ATRIP: variants seen among roughly 807,000 people sequenced by gnomAD.
The protein encoded by ATRIP is ATR-interacting protein.
ATRIP carries 44 observed loss-of-function variants against 78.1 expected under a neutral mutation model. The ratio of observed to expected loss-of-function variants is 0.56; its 90% CI spans 0.44 to 0.72. ATRIP has a LOEUF of 0.72. ATRIP is among the 30% of genes least tolerant of loss of function. ATRIP has a pLI of 0.00. For synonymous variants in ATRIP, 388 were observed against 408.9 expected (o/e 0.95, Z 0.62); for missense variants, 927 against 980.2 (o/e 0.95, Z 0.72).
rs935356579 is a variant in ATRIP at position 48,466,261 on chromosome 3, G to A, written c.*707G>A. On this transcript the variant is annotated 3_prime_UTR_variant, in exon 13 of 13. Transcript: ENST00000320211. ...CGCCACTGCTGCCAGCGAGAGCCGC[G>A]GGAGAGTGTGCAGCCGAGTCACTAC... The A allele has an allele frequency of 1.2e-4, 77 of 619,526 alleles. No individual in the cohort carries two copies. Among genetic ancestry groups the A allele is most frequent in the Middle Eastern group, 4.3e-4 (1 of 2,300 alleles). 38.4% of individuals were successfully genotyped at this position (619,526 alleles called of 1,614,324 possible).
In ATRIP at chr3:48,457,275, T is replaced by C. The variant is rs758069598; in HGVS notation, c.688T>C (p.Ser230Pro). The C allele has an allele frequency of 7.6e-6, 12 of 1,586,366 alleles. No homozygotes were observed. Among genetic ancestry groups the C allele is most frequent in the South Asian group, 4.7e-5 (4 of 85,162 alleles). Reference protein sequence around the residue: ...VSHVSPRKNPSVVIKPEACSP... With the variant: ...VSHVSPRKNPPVVIKPEACSP... Reference sequence around the variant, plus strand: ...TTTTTCCAGTCCTAGGAAAAACCCTTCTGTGGTTATAAAGCCAGAAGCATG... The same window carrying C: ...TTTTTCCAGTCCTAGGAAAAACCCTCCTGTGGTTATAAAGCCAGAAGCATG... Residue 230 changes from serine (S) to proline (P), a missense_variant, in exon 5 of 13, where the codon TCT becomes CCT. Physicochemically the swap from Ser to Pro is moderately conservative, Grantham distance 74. Transcript: ENST00000320211.
At chr3:48,447,978 T>C (rs1057233713) in intron 1 of ATRIP, among the ~76,000 whole-genome samples, 2 of 152,192 alleles carry the variant, frequency 1.3e-5, no homozygotes, top group Non-Finnish European at 2.9e-5. Context: ...TCTATCCTAT[T>C]CACATTGCTT....
intron 8 of ATRIP, chr3:48,461,346 C>T (rs1044341567): frequency 6.6e-6 from 1 of 152,434 alleles, no homozygotes; most frequent in Non-Finnish European, 1.5e-5. Context: ...ATAAATTCCT[C>T]CCTTGGGATT....
At chr3:48,449,692 C>T (rs2039781708) in intron 1 of ATRIP, among the ~76,000 whole-genome samples, 1 of 147,978 alleles carries the variant, frequency 6.8e-6, no homozygotes, top group South Asian at 2.1e-4. Context: ...CTTTGGGAGG[C>T]TGAGGCGGGT....
In ATRIP at chr3:48,464,880, G is replaced by A. The variant is rs76493396; in HGVS notation, c.2105G>A (p.Arg702Gln). ...TTGCACAGACAGTGGCTGACAGTGC[G>A]GAGGGCAGGGGGACCCCCAAGGACC... ...VMLHRQWLTV[R>Q]RAGGPPRTDQ... Residue 702 changes from arginine (R) to glutamine (Q), a missense_variant, in exon 12 of 13, where the codon CGG becomes CAG. Arg to Gln is a conservative substitution (Grantham distance 43). Transcript: ENST00000320211. The A allele has an allele frequency of 7.5e-3, 12,174 of 1,613,884 alleles. 69 individuals carry two copies. Among genetic ancestry groups the A allele is most frequent in the Non-Finnish European group, 9.1e-3 (10,785 of 1,179,888 alleles).
chr3:48,450,403 T>C, intron 2 of ATRIP: 1 of 1,021,086 alleles, frequency 9.8e-7, no homozygotes, highest in Non-Finnish European at 1.4e-6. Context: ...CAAAAAGAGA[T>C]ACAAACTGTT....
rs201954133 is a variant in ATRIP, at chr3:48,467,245, C to T, written c.*1691C>T. 1.2e-5 allele frequency: 19 copies of T among 1,614,110 alleles called. No individual in the cohort carries two copies. In the Admixed American group the frequency reaches 3.0e-4, roughly 25 times the overall value. On this transcript the variant is annotated 3_prime_UTR_variant, in exon 13 of 13. Transcript: ENST00000320211. ...CAGTCCCCTCCAGACTCGCACACGG[C>T]TGAGGGTGATGTCCTGGCCCTGCTC...
chr3:48,451,827 A>T lies in ATRIP; in HGVS notation c.480A>T (p.Arg160Ser). Residue 160 changes from arginine to serine, a missense_variant, in exon 3 of 13, where the codon AGA becomes AGT. Arg to Ser is a moderately radical substitution (Grantham distance 110). Coordinates refer to ENST00000320211, the MANE Select transcript of ATRIP (RefSeq NM_130384.3). ...CGGAATCCGTTCTAGAGGAACAGAG[A>T]AGATCACATTTTCTTCTTGAGCAAG... ...HQTESVLEEQ[R>S]RSHFLLEQEK... The T allele has an allele frequency of 6.2e-7, 1 of 1,612,998 alleles. No homozygotes were observed. Among genetic ancestry groups the T allele is most frequent in the Non-Finnish European group, 8.5e-7 (1 of 1,179,300 alleles).
At position 48,465,497 on chromosome 3, in the gene ATRIP, G is replaced by C; in HGVS notation, c.2319G>C (p.Leu773=). Reference sequence around the variant, plus strand: ...TCCTTTTTGTCTCAGAGGCAGCCCTGGATGACCTCTGTGCCGCGGAAACCG... The same window carrying C: ...TCCTTTTTGTCTCAGAGGCAGCCCTCGATGACCTCTGTGCCGCGGAAACCG... ...PDVTDCEEAA[L]DDLCAAETDV... Residue 773 remains leucine, a synonymous_variant, in exon 13 of 13, where the codon CTG becomes CTC. Coordinates refer to ENST00000320211, the MANE Select transcript of ATRIP (RefSeq NM_130384.3). 1 of 1,613,916 alleles carries C rather than the reference G, an allele frequency of 6.2e-7. No homozygotes were observed. Among genetic ancestry groups the C allele is most frequent in the African/African-American group, 1.3e-5 (1 of 75,048 alleles).
rs2039679826 is a variant in ATRIP, at chr3:48,446,744, G to A, written c.-102G>A. The A allele has an allele frequency of 2.4e-5, 31 of 1,303,740 alleles. No homozygotes were observed. Among genetic ancestry groups the A allele is most frequent in the Non-Finnish European group, 2.9e-5 (30 of 1,021,144 alleles). 80.8% of individuals were successfully genotyped at this position (1,303,740 alleles called of 1,614,324 possible). ...CTGGGCCAGGGGCGGGGCACTCGCG[G>A]CGGAGGCAAGCGGCGGCGCGCGGAC... On this transcript the variant is annotated 5_prime_UTR_variant, in exon 1 of 13. Coordinates refer to ENST00000320211, the MANE Select transcript of ATRIP (RefSeq NM_130384.3).
chr3:48,465,715 G>A lies in ATRIP; in HGVS notation c.*161G>A, dbSNP rs939684074. Reference sequence around the variant, plus strand: ...GAGTGGGAGGGGTGGAGCAGGACCCGGACCCTGAGTGGCTGGGATCCTTCT... The same window carrying A: ...GAGTGGGAGGGGTGGAGCAGGACCCAGACCCTGAGTGGCTGGGATCCTTCT... On this transcript the variant is annotated 3_prime_UTR_variant, in exon 13 of 13. Transcript: ENST00000320211. 1.9e-5 allele frequency: 13 copies of A among 671,422 alleles called. No homozygotes were observed. Among genetic ancestry groups the A allele is most frequent in the Middle Eastern group, 6.0e-4 (2 of 3,338 alleles). The allele number at this position is 671,422 out of a possible 1,614,324, so 41.6% of individuals were successfully genotyped here.
chr3:48,450,689 C>T lies in ATRIP; in HGVS notation c.381+519C>T, dbSNP rs75695438. 4,285 of 457,198 alleles carry T rather than the reference C, an allele frequency of 9.4e-3. 29 individuals carry two copies. Among genetic ancestry groups the T allele is most frequent in the Non-Finnish European group, 0.013 (3,562 of 272,982 alleles). The allele number at this position is 457,198 out of a possible 1,614,324, so 28.3% of individuals were successfully genotyped here. A position where few individuals can be genotyped will look rare whatever the true frequency, so the allele number is the denominator to read the frequency against. On this transcript the variant is annotated intron_variant, in intron 2 of 12. Coordinates refer to ENST00000320211, the MANE Select transcript of ATRIP (RefSeq NM_130384.3). ...TCAACCTCTGCCTCCTGGTTTTAAG[C>T]GATTCACATGCCTTAGCTTCCAGAG...
At position 48,459,271 on chromosome 3, in the gene ATRIP, G is replaced by A. The variant is rs1342924296; in HGVS notation, c.830-88G>A. 27 of 1,078,244 alleles carry A rather than the reference G, an allele frequency of 2.5e-5. 1 individual carries two copies. Among genetic ancestry groups the A allele is most frequent in the Admixed American group, 1.9e-4 (10 of 52,610 alleles). The allele number at this position is 1,078,244 out of a possible 1,614,324, so 66.8% of individuals were successfully genotyped here. The stretch of plus-strand genomic sequence containing the variant: ...TCCAAGTTCGAAGAAGTAGAACAGC[G>A]TGTGTTTTAAACTCATTGCATGTAA... On this transcript the variant is annotated intron_variant, in intron 5 of 12. Coordinates refer to ENST00000320211, the MANE Select transcript of ATRIP (RefSeq NM_130384.3).
At position 48,466,641 on chromosome 3, in the gene ATRIP, G is replaced by A. The variant is rs778945495; in HGVS notation, c.*1087G>A. ...ATGCTCCTCTCCAGGCTCAGCAGCA[G>A]GTACGTACCCAACCATGGGCTCGCA... On this transcript the variant is annotated 3_prime_UTR_variant, in exon 13 of 13. Coordinates refer to ENST00000320211, the MANE Select transcript of ATRIP (RefSeq NM_130384.3). 2.5e-6 allele frequency: 4 copies of A among 1,613,892 alleles called. No individual in the cohort carries two copies. In the South Asian group the frequency reaches 4.4e-5, roughly 18 times the overall value.
Position 48,460,447 on chromosome 3 carries a change from G to A in ATRIP, c.1393G>A (p.Glu465Lys). 2.5e-6 allele frequency: 4 copies of A among 1,611,696 alleles called. No individual in the cohort carries two copies. Among genetic ancestry groups the A allele is most frequent in the Non-Finnish European group, 3.4e-6 (4 of 1,178,682 alleles). Residue 465 changes from glutamate to lysine, a missense_variant, in exon 8 of 13, where the codon GAG becomes AAG. Coordinates refer to ENST00000320211, the MANE Select transcript of ATRIP (RefSeq NM_130384.3). ...GAGCTCTGGGGTAGAGACCAACCCT[G>A]AGGACTCAGTGTGCATCCTGGAAGG... is the stretch of plus-strand genomic sequence containing the variant. The part of the protein sequence containing the change: ...CVSSGVETNP[E>K]DSVCILEGFS...
Position 48,460,710 on chromosome 3 carries a change from A to G in ATRIP, c.1656A>G (p.Ala552=). ...ACCTGTTGGCTTTCTCTTCTGCAGC[A>G]ACAGGTCACCTTCAAGCCAGTGTCC... ...LLHLLAFSSA[A]TGHLQASVLT... is the part of the protein sequence containing the mutation. Residue 552 remains alanine (A), a synonymous_variant, in exon 8 of 13, where the codon GCA becomes GCG. Transcript: ENST00000320211. 1 of 1,614,068 alleles carries G rather than the reference A, an allele frequency of 6.2e-7. No individual in the cohort carries two copies. Among genetic ancestry groups the G allele is most frequent in the Non-Finnish European group, 8.5e-7 (1 of 1,179,906 alleles).
chr3:48,461,824 C>T (rs2040122184), intron 8 of ATRIP, among the ~76,000 whole-genome samples: 1 of 152,204 alleles, frequency 6.6e-6, no homozygotes, highest in African/African-American at 2.4e-5. Context: ...CCTGCCTCAG[C>T]CTCCTGAGAC....
At chr3:48,453,568 G>C (rs1211949532) in intron 3 of ATRIP, among the ~76,000 whole-genome samples, 3 of 152,172 alleles carry the variant, frequency 2.0e-5, no homozygotes, top group Non-Finnish European at 4.4e-5. Context: ...TACTGTGTCT[G>C]GTGCTGGGCC....
intron 4 of ATRIP, among the ~76,000 whole-genome samples, chr3:48,455,780 G>A (rs1211741503): frequency 6.6e-6 from 1 of 151,906 alleles, no homozygotes; most frequent in South Asian, 2.1e-4. Flanking sequence ...TTACAAGGGT[G>A]AGCCACTGTG....
Sources: gnomAD v4.1 joint callset for allele counts (sites outside exome capture counted in the v4.1 genomes callset) on GRCh38, gnomAD v4.1.1 for gene constraint, MANE v1.5 for transcripts, NCBI Gene and HGNC (gene_info 2026-07-23, HGNC 2026-07-21) for gene names.